Variants in CCDC7 observed in about 807,000 individuals in gnomAD.
CCDC7 encodes the protein coiled-coil domain-containing protein 7.
In CCDC7, 183 loss-of-function variants were observed where a neutral mutation model predicts 196.9. That is an observed-to-expected ratio of 0.93 (90% confidence interval 0.82 to 1.05). The LOEUF is 1.05. CCDC7 is among the 50% of genes least tolerant of loss of function. The pLI is 0.00. For synonymous variants in CCDC7, 525 were observed against 484.6 expected, an observed-to-expected ratio of 1.08 and a Z score of -1.10; for missense variants, 1,540 against 1,482.2, an observed-to-expected ratio of 1.04 and a Z score of -0.64.
chr10:32,749,794 A>T (rs189884715), intron 28 of CCDC7, among the ~76,000 whole-genome samples: 62 of 152,308 alleles, frequency 4.1e-4, no homozygotes, highest in African/African-American at 1.4e-3. Flanking sequence ...ACTACAAAAT[A>T]TGTTACAGGT....
intron 2 of CCDC7, 92 bp downstream of exon 3, chr10:32,453,528 A>G: frequency 2.4e-6 from 2 of 832,726 alleles, no homozygotes; most frequent in Non-Finnish European, 3.2e-6. Context: ...TTTCTTTTGG[A>G]GTACTTATTA....
intron 28 of CCDC7, 138 bp from the exon 30 acceptor site, chr10:32,778,839 A>G (rs1592671680): frequency 7.9e-6 from 5 of 634,260 alleles, no homozygotes; most frequent in Non-Finnish European, 1.4e-5. Context: ...TATTTGTGCC[A>G]TTTCTGATTT....
chr10:32,758,838 T>G (rs910487716), intron 28 of CCDC7, among the ~76,000 whole-genome samples: 1 of 152,096 alleles, frequency 6.6e-6, no homozygotes, highest in African/African-American at 2.4e-5. Flanking sequence ...GATTGTATAT[T>G]TAGAAAACCC....
chr10:32,575,571 A>G (rs1212678813), intron 16 of CCDC7, among the ~76,000 whole-genome samples: 1 of 152,212 alleles, frequency 6.6e-6, no homozygotes, highest in Non-Finnish European at 1.5e-5. Flanking sequence ...GGGCATAGAG[A>G]GCACCTAGTC....
chr10:32,705,972 C>A (rs1302412585), intron 24 of CCDC7, among the ~76,000 whole-genome samples: 3 of 152,078 alleles, frequency 2.0e-5, no homozygotes, highest in South Asian at 2.1e-4. Context: ...AGCGGACCTA[C>A]TGGACATCTA....
At chr10:32,656,954 A>G (rs957234944) in intron 20 of CCDC7, among the ~76,000 whole-genome samples, 6 of 152,228 alleles carry the variant, frequency 3.9e-5, no homozygotes, top group Admixed American at 1.3e-4. Flanking sequence ...GGCCACAACA[A>G]AGAGGCTACA....
At chr10:32,799,433 C>T (rs1411219259) in intron 29 of CCDC7, among the ~76,000 whole-genome samples, 1 of 152,158 alleles carries the variant, frequency 6.6e-6, no homozygotes, top group Non-Finnish European at 1.5e-5. Context: ...AGAGCCTTCT[C>T]CTGTTCTGGA....
At chr10:32,678,466 G>A (rs1212127387) in intron 21 of CCDC7, among the ~76,000 whole-genome samples, 1 of 152,178 alleles carries the variant, frequency 6.6e-6, no homozygotes, top group Non-Finnish European at 1.5e-5. Context: ...GTCCACAGGA[G>A]TGTTGGCTCT....
At chr10:32,809,690 A>G (rs2086651886) in intron 30 of CCDC7, among the ~76,000 whole-genome samples, 3 of 152,216 alleles carry the variant, frequency 2.0e-5, no homozygotes, top group Admixed American at 2.0e-4. Context: ...ACCATCTCAC[A>G]CCAGTTAGAA....
At chr10:32,522,983 G>C (rs1348090499) in intron 11 of CCDC7, among the ~76,000 whole-genome samples, 1 of 151,888 alleles carries the variant, frequency 6.6e-6, no homozygotes, top group Non-Finnish European at 1.5e-5. Context: ...AATTCCTTTT[G>C]TTATTGATTT....
At chr10:32,578,206 C>A in intron 16 of CCDC7, among the ~76,000 whole-genome samples, 1 of 151,948 alleles carries the variant, frequency 6.6e-6, no homozygotes, top group South Asian at 2.1e-4. Flanking sequence ...TGTGATATCA[C>A]CACTACCTAA....
intron 33 of CCDC7, among the ~76,000 whole-genome samples, chr10:32,842,151 G>A (rs1443566140): frequency 6.6e-6 from 1 of 151,974 alleles, no homozygotes; most frequent in African/African-American, 2.4e-5. Context: ...ATTATCAGCA[G>A]AGTTAACAGA....
At chr10:32,614,250 CT>C (rs142984342) in intron 18 of CCDC7, among the ~76,000 whole-genome samples, 8,279 of 138,442 alleles carry the variant, frequency 0.06, 663 homozygotes, top group African/African-American at 0.2. Flanking sequence ...TTTTTCTTTT[CT>C]TTTTTTTTTT....
intron 21 of CCDC7, among the ~76,000 whole-genome samples, chr10:32,668,373 C>A (rs2073290680): frequency 6.6e-6 from 1 of 152,084 alleles, no homozygotes; most frequent in Non-Finnish European, 1.5e-5. Flanking sequence ...CTTTCTCCTG[C>A]CTGATTGCCC....
chr10:32,537,208 A>G (rs1294438788), intron 11 of CCDC7, among the ~76,000 whole-genome samples: 4 of 152,120 alleles, frequency 2.6e-5, no homozygotes, highest in African/African-American at 9.7e-5. Context: ...CTGGTATGAG[A>G]TGGTATTTTA....
intron 13 of CCDC7, among the ~76,000 whole-genome samples, chr10:32,549,056 G>C (rs532271021): frequency 6.6e-6 from 1 of 151,960 alleles, no homozygotes; most frequent in Non-Finnish European, 1.5e-5. Context: ...TCTGATCACC[G>C]CATCCACACC....
At chr10:32,688,646 G>C (rs958350370) in intron 22 of CCDC7, among the ~76,000 whole-genome samples, 1 of 152,046 alleles carries the variant, frequency 6.6e-6, no homozygotes, top group African/African-American at 2.4e-5. Flanking sequence ...ATAGCCCATA[G>C]TTGATATTGT....
At chr10:32,666,863 T>C (rs2072880193) in intron 21 of CCDC7, among the ~76,000 whole-genome samples, 1 of 152,182 alleles carries the variant, frequency 6.6e-6, no homozygotes, top group Admixed American at 6.6e-5. Flanking sequence ...TATAGCAGCA[T>C]GATTTATAAT....
chr10:32,754,309 A>C (rs1164442604), intron 28 of CCDC7, among the ~76,000 whole-genome samples: 2 of 152,196 alleles, frequency 1.3e-5, no homozygotes, highest in Non-Finnish European at 2.9e-5. Context: ...GCACAAAAAT[A>C]ATAAAATAAC....
Sources: allele counts gnomAD v4.1 joint callset (sites outside exome capture counted in the v4.1 genomes callset), GRCh38; gene constraint gnomAD v4.1.1; transcripts MANE v1.5; gene names NCBI Gene and HGNC (gene_info 2026-07-23, HGNC 2026-07-21).